UTP20: variants seen among roughly 807,000 people sequenced by gnomAD.
UTP20 encodes UTP20 small subunit processome component.
UTP20 carries 164 observed loss-of-function variants against 329.5 expected under a neutral mutation model. The observed-to-expected ratio is 0.50, with a 90% CI of 0.44 to 0.57. The LOEUF is 0.57. UTP20 is among the 20% of genes least tolerant of loss of function. The probability of loss-of-function intolerance (pLI) is 0.00; values close to 1 mark genes in which losing one functional copy is unlikely to be tolerated. For missense variants in UTP20, 3,055 were observed against 3,284.2 expected (o/e 0.93, Z 1.71); for synonymous variants, 1,151 against 1,159.3 (o/e 0.99, Z 0.14).
At chr12:101,356,842 A>T (rs1401669376) in intron 42 of UTP20, 84 bp from the exon 43 acceptor site, 6 of 1,488,206 alleles carry the variant, frequency 4.0e-6, no homozygotes, top group Admixed American at 4.5e-5. Flanking sequence ...TTGAGTTACG[A>T]GTAATTAAGA....
chr12:101,377,821 C>T (rs1207596250), intron 56 of UTP20, among the ~76,000 whole-genome samples: 1 of 152,114 alleles, frequency 6.6e-6, no homozygotes, highest in Admixed American at 6.6e-5. Flanking sequence ...GCCCATCTTC[C>T]ATTATATGTT....
intron 38 of UTP20, among the ~76,000 whole-genome samples, chr12:101,348,934 T>C (rs1480413165): frequency 6.6e-6 from 1 of 152,086 alleles, no homozygotes; most frequent in African/African-American, 2.4e-5. Context: ...CTACTAGTGA[T>C]TGATTCTTGC....
Position 101,285,895 on chromosome 12 carries a change from T to C in UTP20, c.326+14T>C. On this transcript the variant is annotated intron_variant, in intron 4 of 61. Transcript: ENST00000261637. ...ACCCCTTTTGGAGTAAGTAGCATCT[T>C]GAGAGAAAGCTCACAACTATATTTG... The C allele has an allele frequency of 6.2e-7, 1 of 1,611,590 alleles. No individual in the cohort carries two copies. The highest frequency in any genetic ancestry group is 8.5e-7 in the Non-Finnish European group (1 of 1,179,060).
chr12:101,332,552 G>A (rs1868795191), intron 27 of UTP20, among the ~76,000 whole-genome samples: 1 of 152,174 alleles, frequency 6.6e-6, no homozygotes, highest in Non-Finnish European at 1.5e-5. Context: ...TCACAGCGAA[G>A]GAGATGCCAG....
rs953364724 is a variant in UTP20 at position 101,386,431 on chromosome 12, G to T, written c.*308G>T. On this transcript the variant is annotated 3_prime_UTR_variant, in exon 62 of 62. Coordinates refer to ENST00000261637, the MANE Select transcript of UTP20 (RefSeq NM_014503.3). ...GGATTTCGCCATGTTGGCCAGGCTGGTCTCGAACACCTGGGCTCAACTGAT... is the reference window on the plus strand; with the variant it reads ...GGATTTCGCCATGTTGGCCAGGCTGTTCTCGAACACCTGGGCTCAACTGAT... 2 of 199,100 alleles carry T rather than the reference G, an allele frequency of 1.0e-5. No individual in the cohort carries two copies. Among genetic ancestry groups the T allele is most frequent in the African/African-American group, 4.7e-5 (2 of 42,452 alleles). The allele number at this position is 199,100 out of a possible 1,614,324, so 12.3% of individuals were successfully genotyped here.
At chr12:101,375,045 T>C in intron 55 of UTP20, 106 bp downstream of exon 55, 1 of 723,716 alleles carries the variant, frequency 1.4e-6, no homozygotes, top group South Asian at 2.1e-5. Context: ...TTTATATTTA[T>C]AGCTATAGCT....
chr12:101,384,225 T>C (rs1870752641), intron 60 of UTP20, among the ~76,000 whole-genome samples: 1 of 152,182 alleles, frequency 6.6e-6, no homozygotes, highest in South Asian at 2.1e-4. Flanking sequence ...TAATGAATAA[T>C]AAAATGTCAT....
chr12:101,356,377 T>C (rs558601858), intron 41 of UTP20, among the ~76,000 whole-genome samples, 177 bp from the exon 42 acceptor site: 2 of 152,328 alleles, frequency 1.3e-5, no homozygotes, highest in South Asian at 4.1e-4. Flanking sequence ...CCGCCCACCT[T>C]GGCTTCCCAA....
intron 27 of UTP20, 46 bp from the exon 28 acceptor site, chr12:101,333,255 A>G: frequency 6.3e-7 from 1 of 1,586,864 alleles, no homozygotes; most frequent in Admixed American, 1.7e-5. Context: ...TCAGGGATAA[A>G]AATGATACAT....
At chr12:101,336,654 T>C (rs1868943123) in intron 29 of UTP20, among the ~76,000 whole-genome samples, 1 of 152,212 alleles carries the variant, frequency 6.6e-6, no homozygotes. Context: ...TAAGGCCCTG[T>C]CATCACATAC....
At chr12:101,310,592 A>AAAAAAAAAG (rs1872757618) in intron 19 of UTP20, among the ~76,000 whole-genome samples, 1 of 150,336 alleles carries the variant, frequency 6.7e-6, no homozygotes, top group African/African-American at 2.5e-5. Flanking sequence ...AAAAAAAAAA[A>AAAAAAAAAG]AAAAAATACA....
chr12:101,296,388 G>C (rs1387009276), intron 12 of UTP20, among the ~76,000 whole-genome samples: 1 of 152,108 alleles, frequency 6.6e-6, no homozygotes, highest in African/African-American at 2.4e-5. Context: ...TGGCTAACAC[G>C]GTGAAACCCT....
At chr12:101,373,272 T>G in intron 52 of UTP20, 129 bp from the exon 53 acceptor site, 1 of 866,328 alleles carries the variant, frequency 1.2e-6, no homozygotes, top group South Asian at 1.7e-5. Context: ...GCATTAAAAT[T>G]AGGAAAACAG....
Position 101,308,229 on chromosome 12 carries a change from C to T in UTP20, c.2040C>T (p.Arg680=). ...GGCAGTCTGTCTTTGCTATATTACG[C>T]CAGGCAGAACTTGTTCCAGCAACTG... The part of the protein sequence containing the change: ...SERQSVFAIL[R]QAELVPATVN... The change falls in exon 18 of 62, where the codon CGC becomes CGT. Residue 680 remains arginine, a synonymous_variant. Coordinates refer to ENST00000261637, the MANE Select transcript of UTP20 (RefSeq NM_014503.3). 1 of 1,612,342 alleles carries T rather than the reference C, an allele frequency of 6.2e-7. No individual in the cohort carries two copies. The highest frequency in any genetic ancestry group is 1.7e-5 in the Admixed American group (1 of 59,800).
intron 29 of UTP20, among the ~76,000 whole-genome samples, chr12:101,335,424 G>A (rs1213972481): frequency 1.3e-5 from 2 of 152,166 alleles, no homozygotes; most frequent in Non-Finnish European, 2.9e-5. Context: ...AAACACACCA[G>A]ATAGTTATAT....
In UTP20 at chr12:101,369,848, C is replaced by T; in HGVS notation, c.6512C>T (p.Ala2171Val). 1 of 1,613,980 alleles carries T rather than the reference C, an allele frequency of 6.2e-7. No individual in the cohort carries two copies. The highest frequency in any genetic ancestry group is 2.2e-5 in the East Asian group (1 of 44,870). Residue 2171 changes from alanine to valine, a missense_variant, in exon 49 of 62, where the codon GCC becomes GTC. Physicochemically the swap from Ala to Val is moderately conservative, Grantham distance 64. Coordinates refer to ENST00000261637, the MANE Select transcript of UTP20 (RefSeq NM_014503.3). ...CTGAAGGACTATGCAAAGCTCGGGG[C>T]CGCCAGGGGCCAGAACTTCCACCTT... Reference protein sequence around the residue: ...LLLKDYAKLGAARGQNFHLVV... With the variant: ...LLLKDYAKLGVARGQNFHLVV...
chr12:101,341,820 G>T (rs1293705901), intron 32 of UTP20, among the ~76,000 whole-genome samples: 3 of 152,098 alleles, frequency 2.0e-5, no homozygotes, highest in African/African-American at 7.2e-5. Context: ...CAGGAGAATC[G>T]CTTGAACCCA....
chr12:101,382,408 C>A (rs984818037), intron 58 of UTP20, among the ~76,000 whole-genome samples: 21 of 151,094 alleles, frequency 1.4e-4, no homozygotes, highest in Non-Finnish European at 8.9e-5. Context: ...AAAAAATACC[C>A]AAAAAACAAA....
intron 49 of UTP20, among the ~76,000 whole-genome samples, chr12:101,370,149 A>T (rs1870237357): frequency 6.6e-6 from 1 of 152,034 alleles, no homozygotes; most frequent in Admixed American, 6.6e-5. Flanking sequence ...GACAGGAGTT[A>T]GAGGCTGCAG....
Sources: allele counts gnomAD v4.1 joint callset (sites outside exome capture counted in the v4.1 genomes callset), GRCh38; gene constraint gnomAD v4.1.1; transcripts MANE v1.5; gene names NCBI Gene and HGNC (gene_info 2026-07-23, HGNC 2026-07-21).